The following APBB2 variants were observed in gnomAD, a reference collection of about 807,000 sequenced individuals.
The protein encoded by APBB2 is amyloid beta precursor protein binding family B member 2.
APBB2 carries 38 observed loss-of-function variants against 82.5 expected under a neutral mutation model. The observed-to-expected ratio is 0.46, with a 90% CI of 0.36 to 0.60. The LOEUF (loss-of-function observed/expected upper bound fraction) is 0.60, where lower values mean the gene tolerates loss of function less well. Ranked by LOEUF, APBB2 falls within the 20% of genes least tolerant of loss-of-function variation. The pLI, the probability that APBB2 is intolerant of heterozygous loss-of-function variation, is 0.00. For missense variants in APBB2, 772 were observed against 972.3 expected, an observed-to-expected ratio of 0.79 and a Z score of 2.74; for synonymous variants, 341 against 368.2, an observed-to-expected ratio of 0.93 and a Z score of 0.85.
At chr4:41,158,714 A>T (rs533846140) in intron 1 of APBB2, among the ~76,000 whole-genome samples, 7 of 152,198 alleles carry the variant, frequency 4.6e-5, no homozygotes, top group Non-Finnish European at 8.8e-5. Flanking sequence ...AAATTCTTTT[A>T]GCAGGATTTT....
At position 40,880,185 on chromosome 4, in the gene APBB2, T is replaced by C. The variant is rs548508344; in HGVS notation, c.1529+10179A>G. ...GTGCAAAGGAAGAGGCACAATTACA[T>C]TGCAAATGGTGAGATTCCTACTCCA... On this transcript the variant is annotated intron_variant, in intron 12 of 17. Coordinates refer to ENST00000508593, the MANE Select transcript of APBB2 (RefSeq NM_004307.2). The C allele has an allele frequency of 2.0e-5, 20 of 985,380 alleles. No homozygotes were observed. The African/African-American group carries it at 2.3e-4, about 11-fold the overall frequency. The allele number at this position is 985,380 out of a possible 1,614,324, so 61.0% of individuals were successfully genotyped here. A position where few individuals can be genotyped will look rare whatever the true frequency, so the allele number is the denominator to read the frequency against.
intron 6 of APBB2, 86 bp from the exon 7 acceptor site, chr4:40,945,159 G>T (rs1171273528): frequency 1.0e-6 from 1 of 960,916 alleles, no homozygotes; most frequent in African/African-American, 1.6e-5. Context: ...GAACCCCAAA[G>T]GCAGACGTGT....
intron 7 of APBB2, among the ~76,000 whole-genome samples, chr4:40,936,561 A>G (rs1479396007): frequency 6.6e-6 from 1 of 152,206 alleles, no homozygotes; most frequent in Non-Finnish European, 1.5e-5. Flanking sequence ...CTGGTGCAAC[A>G]TGCACTTACC....
intron 6 of APBB2, among the ~76,000 whole-genome samples, chr4:41,007,682 T>G (rs1807143385): frequency 6.6e-6 from 1 of 152,220 alleles, no homozygotes; most frequent in Non-Finnish European, 1.5e-5. Flanking sequence ...TTATTACTTT[T>G]TCTATTTCTA....
intron 1 of APBB2, among the ~76,000 whole-genome samples, chr4:41,169,142 G>A (rs569066231): frequency 2.9e-5 from 4 of 136,880 alleles, no homozygotes; most frequent in African/African-American, 8.5e-5. Context: ...CTGAGATTGC[G>A]CCACTGCACT....
intron 7 of APBB2, among the ~76,000 whole-genome samples, chr4:40,936,550 C>T (rs1178481448): frequency 6.6e-6 from 1 of 152,232 alleles, no homozygotes; most frequent in Non-Finnish European, 1.5e-5. Flanking sequence ...AGCCATGGCG[C>T]CTGGTGCAAC....
At chr4:40,844,426 A>G (rs1219970954) in intron 12 of APBB2, among the ~76,000 whole-genome samples, 1 of 152,234 alleles carries the variant, frequency 6.6e-6, no homozygotes, top group East Asian at 1.9e-4. Context: ...ATAACCTGCA[A>G]CGTTAACAGC....
At chr4:40,903,476 A>C (rs544959192) in intron 10 of APBB2, among the ~76,000 whole-genome samples, 2 of 152,284 alleles carry the variant, frequency 1.3e-5, no homozygotes, top group Non-Finnish European at 2.9e-5. Flanking sequence ...CAAAAAAATA[A>C]ATAGATAAAA....
intron 12 of APBB2, among the ~76,000 whole-genome samples, chr4:40,882,656 G>C (rs1236039679): frequency 6.6e-6 from 1 of 152,156 alleles, no homozygotes; most frequent in Non-Finnish European, 1.5e-5. Flanking sequence ...GAGTCTAACA[G>C]GTAGCAGACG....
intron 5 of APBB2, among the ~76,000 whole-genome samples, chr4:41,014,669 T>C (rs538311744): frequency 3.3e-5 from 5 of 152,208 alleles, no homozygotes; most frequent in Non-Finnish European, 7.3e-5. Flanking sequence ...AAAAAAGCAT[T>C]TCTCTTTGAA....
chr4:40,837,819 T>A (rs1754485507), intron 12 of APBB2, among the ~76,000 whole-genome samples: 1 of 152,184 alleles, frequency 6.6e-6, no homozygotes, highest in Non-Finnish European at 1.5e-5. Flanking sequence ...CTTTAAATGG[T>A]GACAGAAGCT....
At position 40,817,753 on chromosome 4, in the gene APBB2, C is replaced by A. The variant is rs80216482; in HGVS notation, c.2113-1494G>T. Among the ~76,000 whole-genome samples the A allele has an allele frequency of 7.5e-3, 1,135 of 152,200 alleles. 14 individuals are homozygous for A. The highest frequency in any genetic ancestry group is 0.022 in the East Asian group (112 of 5,176). Reference sequence around the variant, plus strand: ...GCTGATGTCCCTGTAAAAAGCAAGACCCTGGGGGAAGGATATGGTACAGTG... The same window carrying A: ...GCTGATGTCCCTGTAAAAAGCAAGAACCTGGGGGAAGGATATGGTACAGTG... On this transcript the variant is annotated intron_variant, in intron 17 of 17. Coordinates refer to ENST00000508593, the MANE Select transcript of APBB2 (RefSeq NM_004307.2).
At chr4:41,022,492 T>C (rs1244113959) in intron 5 of APBB2, among the ~76,000 whole-genome samples, 1 of 152,154 alleles carries the variant, frequency 6.6e-6, no homozygotes, top group Non-Finnish European at 1.5e-5. Context: ...TCCAGCAAAT[T>C]CCTACTCCTC....
chr4:41,167,368 T>C (rs1192984907), intron 1 of APBB2, among the ~76,000 whole-genome samples: 3 of 152,162 alleles, frequency 2.0e-5, no homozygotes, highest in African/African-American at 4.8e-5. Flanking sequence ...CCTCTAAACA[T>C]GCTTTGGTCT....
chr4:40,871,725 T>G (rs1004995258), intron 12 of APBB2, among the ~76,000 whole-genome samples: 1 of 152,210 alleles, frequency 6.6e-6, no homozygotes, highest in Non-Finnish European at 1.5e-5. Flanking sequence ...CATAAAGCAT[T>G]GTGTCAAAAC....
intron 1 of APBB2, among the ~76,000 whole-genome samples, chr4:41,207,682 C>T (rs1048851443): frequency 7.2e-5 from 11 of 152,268 alleles, no homozygotes; most frequent in Admixed American, 3.3e-4. Context: ...AGCTCATTCA[C>T]AGTTCCTAGG....
At chr4:41,091,448 G>A (rs902655226) in intron 3 of APBB2, among the ~76,000 whole-genome samples, 1 of 152,162 alleles carries the variant, frequency 6.6e-6, no homozygotes, top group African/African-American at 2.4e-5. Flanking sequence ...AGTAATTTTT[G>A]TGAAGATGTC....
intron 10 of APBB2, among the ~76,000 whole-genome samples, chr4:40,911,029 G>T (rs1194007524): frequency 1.3e-5 from 2 of 152,252 alleles, no homozygotes; most frequent in Non-Finnish European, 2.9e-5. Flanking sequence ...CTTAATTCCT[G>T]TATGACACAC....
At chr4:40,983,857 G>A (rs571882520) in intron 6 of APBB2, among the ~76,000 whole-genome samples, 27 of 152,276 alleles carry the variant, frequency 1.8e-4, no homozygotes, top group African/African-American at 5.3e-4. Context: ...GGATACAGGC[G>A]TGAGCCATTG....
Sources: gnomAD v4.1 joint callset for allele counts (sites outside exome capture counted in the v4.1 genomes callset) on GRCh38, gnomAD v4.1.1 for gene constraint, MANE v1.5 for transcripts, NCBI Gene and HGNC (gene_info 2026-07-23, HGNC 2026-07-21) for gene names.